Variants in PCDHGB4 observed in about 807,000 individuals in gnomAD.
The protein encoded by PCDHGB4 is protocadherin gamma-B4.
A neutral mutation model predicts 60.5 loss-of-function variants in PCDHGB4; 38 were observed. The observed-to-expected ratio is 0.63, with a 90% CI of 0.48 to 0.82. The LOEUF (loss-of-function observed/expected upper bound fraction) is 0.82, where lower values mean the gene tolerates loss of function less well. Ranked by LOEUF, PCDHGB4 falls within the 40% of genes least tolerant of loss-of-function variation. The pLI is 0.00. For synonymous variants in PCDHGB4, 456 were observed against 509.7 expected, an observed-to-expected ratio of 0.89 and a Z score of 1.42; for missense variants, 1,109 against 1,209.6, an observed-to-expected ratio of 0.92 and a Z score of 1.23.
At position 141,476,764 on chromosome 5, in the gene PCDHGB4, G is replaced by A. The variant is rs570982273; in HGVS notation, c.2398-18043G>A. 1.2e-6 allele frequency: 2 copies of A among 1,613,794 alleles called. No homozygotes were observed. Reference sequence around the variant, plus strand: ...CTAGTCTCCAGTTAGTGCTGACGGCGTTGGACGGAGGGACCCCAGCTCTCT... The same window carrying A: ...CTAGTCTCCAGTTAGTGCTGACGGCATTGGACGGAGGGACCCCAGCTCTCT... On this transcript the variant is annotated intron_variant, in intron 1 of 3. Coordinates refer to ENST00000519479, the MANE Select transcript of PCDHGB4 (RefSeq NM_003736.4). The surrounding 1 kb of genome is among the most constrained non-coding windows in gnomAD (Gnocchi z 7.6).
Position 141,512,089 on chromosome 5 carries a change from T to C in PCDHGB4, c.*916T>C, listed in dbSNP as rs1292597067. 6.6e-6 allele frequency: 1 copy of C among 152,606 alleles called. No individual in the cohort carries two copies. Among genetic ancestry groups the C allele is most frequent in the Non-Finnish European group, 1.5e-5 (1 of 68,068 alleles). 9.5% of individuals were successfully genotyped at this position (152,606 alleles called of 1,614,324 possible). A position where few individuals can be genotyped will look rare whatever the true frequency, so the allele number is the denominator to read the frequency against. ...CCTCCAGATTCCAGCCATAAACCAA[T>C]AACTAGGCTGGACCCTTCCCACTAC... On this transcript the variant is annotated 3_prime_UTR_variant, in exon 4 of 4. Coordinates refer to ENST00000519479, the MANE Select transcript of PCDHGB4 (RefSeq NM_003736.4).
At chr5:141,413,389 T>G in intron 1 of PCDHGB4, 1 of 1,613,986 alleles carries the variant, frequency 6.2e-7, no homozygotes, top group Non-Finnish European at 8.5e-7. Flanking sequence ...CCGCATAGTC[T>G]CCAGAGGTAG....
chr5:141,413,747 A>C, intron 1 of PCDHGB4: 1 of 1,613,348 alleles, frequency 6.2e-7, no homozygotes. Flanking sequence ...AGCCGTGCCA[A>C]TGGCGTCAAG....
rs779949480 is a variant in PCDHGB4, at chr5:141,489,768, C to G, written c.2398-5039C>G. The G allele has an allele frequency of 6.2e-7, 1 of 1,614,134 alleles. No individual in the cohort carries two copies. The highest frequency in any genetic ancestry group is 1.1e-5 in the South Asian group (1 of 91,072). On this transcript the variant is annotated intron_variant, in intron 1 of 3. Coordinates refer to ENST00000519479, the MANE Select transcript of PCDHGB4 (RefSeq NM_003736.4). The surrounding 1 kb of genome is among the most constrained non-coding windows in gnomAD (Gnocchi z 4.5). ...GCTTTTACACTCTAAGCCCCAACAG[C>G]CACTTCTCTCTGAATGTGAAGACCC...
At position 141,422,501 on chromosome 5, in the gene PCDHGB4, C is replaced by T. The variant is rs1343881573; in HGVS notation, c.2397+32220C>T. On this transcript the variant is annotated intron_variant, in intron 1 of 3. Coordinates refer to ENST00000519479, the MANE Select transcript of PCDHGB4 (RefSeq NM_003736.4). ...CAGAGCTACAATATAACGTTGACAGCCACAGACCAGGGAAGCCCGCCTTTG... is the reference window on the plus strand; with the variant it reads ...CAGAGCTACAATATAACGTTGACAGTCACAGACCAGGGAAGCCCGCCTTTG... 9.3e-6 allele frequency: 15 copies of T among 1,613,810 alleles called. No individual in the cohort carries two copies. The highest frequency in any genetic ancestry group is 1.3e-5 in the Non-Finnish European group (15 of 1,179,872).
At chr5:141,420,210 A>T (rs1415966611) in intron 1 of PCDHGB4, 1 of 1,612,612 alleles carries the variant, frequency 6.2e-7, no homozygotes, top group East Asian at 2.2e-5. Flanking sequence ...CTCAACAAAG[A>T]TAGCATGCTA....
chr5:141,465,688 G>C (rs1386213425), intron 1 of PCDHGB4, among the ~76,000 whole-genome samples: 1 of 152,086 alleles, frequency 6.6e-6, no homozygotes, highest in African/African-American at 2.4e-5. Context: ...TGACCAGTCT[G>C]CTTTTGCATT....
At position 141,388,355 on chromosome 5, in the gene PCDHGB4, C is replaced by T. The variant is rs1204433407; in HGVS notation, c.471C>T (p.Ala157=). 6 of 1,613,954 alleles carry T rather than the reference C, an allele frequency of 3.7e-6. No homozygotes were observed. Among genetic ancestry groups the T allele is most frequent in the Non-Finnish European group, 5.1e-6 (6 of 1,179,888 alleles). The change falls in exon 1 of 4, where the codon GCC becomes GCT. Residue 157 remains alanine (A), a synonymous_variant. Coordinates refer to ENST00000519479, the MANE Select transcript of PCDHGB4 (RefSeq NM_003736.4). ...GCACACGATTTATATTAGGATCTGCCCATGATGCGGATATTGGTAGCAACA... is the reference window on the plus strand; with the variant it reads ...GCACACGATTTATATTAGGATCTGCTCATGATGCGGATATTGGTAGCAACA... ...QPGTRFILGS[A]HDADIGSNTL...
At chr5:141,405,186 G>T (rs762537440) in intron 1 of PCDHGB4, 2 of 1,612,892 alleles carry the variant, frequency 1.2e-6, no homozygotes, top group Non-Finnish European at 1.7e-6. Context: ...GGTGTAGATG[G>T]GGTTCGAGCT....
Position 141,417,750 on chromosome 5 carries a change from G to A in PCDHGB4, c.2397+27469G>A, listed in dbSNP as rs1430413607. The A allele has an allele frequency of 1.5e-5, 22 of 1,426,796 alleles. 1 individual carries two copies. In the East Asian group the frequency reaches 5.5e-4, roughly 36 times the overall value. The allele number at this position is 1,426,796 out of a possible 1,614,324, so 88.4% of individuals were successfully genotyped here. On this transcript the variant is annotated intron_variant, in intron 1 of 3. Coordinates refer to ENST00000519479, the MANE Select transcript of PCDHGB4 (RefSeq NM_003736.4). ...CCTTGCCCAGCACACCAGATTGCCA[G>A]CTCCGAGACCCGGGACTCCTCCTGT...
chr5:141,422,088 CA>C (rs1235447839), intron 1 of PCDHGB4: 2 of 1,611,912 alleles, frequency 1.2e-6, no homozygotes, highest in Non-Finnish European at 1.7e-6. Flanking sequence ...ACATGGAAAG[CA>C]AGGCTTCTGA....
intron 1 of PCDHGB4, chr5:141,414,361 T>G: frequency 6.2e-7 from 1 of 1,613,876 alleles, no homozygotes; most frequent in Non-Finnish European, 8.5e-7. Context: ...GTATCTACCA[T>G]TTAAATTAGA....
At chr5:141,403,306 A>C in intron 1 of PCDHGB4, 1 of 1,613,908 alleles carries the variant, frequency 6.2e-7, no homozygotes, top group Non-Finnish European at 8.5e-7. Context: ...AACTGTACGG[A>C]ATAGAAATAG....
intron 1 of PCDHGB4, chr5:141,392,663 A>C: frequency 1.2e-6 from 1 of 810,712 alleles, no homozygotes; most frequent in Non-Finnish European, 1.8e-6. Flanking sequence ...GATGCCACAA[A>C]CTAACTGCTG....
chr5:141,452,844 C>T (rs1239022315), intron 1 of PCDHGB4, among the ~76,000 whole-genome samples: 1 of 152,204 alleles, frequency 6.6e-6, no homozygotes, highest in Non-Finnish European at 1.5e-5. Context: ...CCAGCCCACA[C>T]TCTGGGGAGA....
chr5:141,451,216 A>G (rs1561943760), intron 1 of PCDHGB4, among the ~76,000 whole-genome samples: 1 of 152,204 alleles, frequency 6.6e-6, no homozygotes, highest in Non-Finnish European at 1.5e-5. Context: ...TTAGTGGCTT[A>G]AAAGAAGCAT....
At position 141,431,556 on chromosome 5, in the gene PCDHGB4, C is replaced by G. The variant is rs1561853752; in HGVS notation, c.2397+41275C>G. ...GGCACGCAGCTGCTTGTAGTCAACGCTACCGACCCTGACGAAGGAGTCAAT... is the reference window on the plus strand; with the variant it reads ...GGCACGCAGCTGCTTGTAGTCAACGGTACCGACCCTGACGAAGGAGTCAAT... On this transcript the variant is annotated intron_variant, in intron 1 of 3. Transcript: ENST00000519479. The surrounding 1 kb of genome is among the most constrained non-coding windows in gnomAD (Gnocchi z 4.8). 3 of 1,614,138 alleles carry G rather than the reference C, an allele frequency of 1.9e-6. No individual in the cohort carries two copies. The highest frequency in any genetic ancestry group is 2.5e-6 in the Non-Finnish European group (3 of 1,180,022).
At chr5:141,483,291 A>T (rs767446911) in intron 1 of PCDHGB4, among the ~76,000 whole-genome samples, 4 of 152,126 alleles carry the variant, frequency 2.6e-5, no homozygotes, top group African/African-American at 4.8e-5. Flanking sequence ...TGTCAGTCAT[A>T]AGTGAAGGGA....
At chr5:141,455,430 G>C (rs190218223) in intron 1 of PCDHGB4, among the ~76,000 whole-genome samples, 1 of 152,274 alleles carries the variant, frequency 6.6e-6, no homozygotes, top group Admixed American at 6.5e-5. Flanking sequence ...CTCCAAAAGA[G>C]GAGGTCCCCA....
Sources: gnomAD v4.1 joint callset for allele counts (sites outside exome capture counted in the v4.1 genomes callset) on GRCh38, gnomAD v4.1.1 for gene constraint, Gnocchi (gnomAD v3.1) non-coding constraint, MANE v1.5 for transcripts, NCBI Gene and HGNC (gene_info 2026-07-23, HGNC 2026-07-21) for gene names.